Variants in LRRC43 observed in about 807,000 individuals in gnomAD.
LRRC43 encodes the protein leucine rich repeat containing 43.
A neutral mutation model predicts 64.3 loss-of-function variants in LRRC43; 62 were observed. The ratio of observed to expected loss-of-function variants is 0.96; its 90% confidence interval spans 0.79 to 1.19. The LOEUF (loss-of-function observed/expected upper bound fraction) is 1.19. Ranked by LOEUF, LRRC43 falls within the 50% of genes most tolerant of loss-of-function variation. The probability of loss-of-function intolerance (pLI) is 0.00; values close to 1 mark genes in which losing one functional copy is unlikely to be tolerated. For synonymous variants in LRRC43, 422 were observed against 382.3 expected (o/e 1.10, Z -1.21); for missense variants, 868 against 845.0 (o/e 1.03, Z -0.34).
At chr12:122,185,423 T>C (rs1402717363) in intron 2 of LRRC43, among the ~76,000 whole-genome samples, 1 of 152,122 alleles carries the variant, frequency 6.6e-6, no homozygotes, top group Non-Finnish European at 1.5e-5. Context: ...GCAGTGATCA[T>C]GATCGCACCG....
chr12:122,175,697 G>A (rs934615295), intron 1 of LRRC43, among the ~76,000 whole-genome samples: 3 of 150,156 alleles, frequency 2.0e-5, no homozygotes, highest in East Asian at 2.0e-4. Context: ...ACAGAGTTTC[G>A]CTCTTGTTGC....
At chr12:122,181,171 T>G (rs1953577437), upstream of LRRC43, among the ~76,000 whole-genome samples, 1 of 151,172 alleles carries the variant, frequency 6.6e-6, no homozygotes, top group South Asian at 2.1e-4. Context: ...TGACCTGTGA[T>G]CACGCTACTG....
At chr12:122,182,842 G>T (rs976940464), upstream of LRRC43, among the ~76,000 whole-genome samples, 1 of 152,106 alleles carries the variant, frequency 6.6e-6, no homozygotes, top group African/African-American at 2.4e-5. Context: ...TTTGACCTTG[G>T]GCCCTCTTCT....
upstream of LRRC43, among the ~76,000 whole-genome samples, chr12:122,182,522 CA>C (rs71082944): frequency 0.017 from 496 of 28,864 alleles, no homozygotes; most frequent in African/African-American, 0.04. Flanking sequence ...AACTCGGTCT[CA>C]AAAAAAAAAA....
chr12:122,184,715 C>T lies in LRRC43; in HGVS notation c.347C>T (p.Pro116Leu), dbSNP rs1593144808. 11 of 1,613,788 alleles carry T rather than the reference C, an allele frequency of 6.8e-6. No individual in the cohort carries two copies. Among genetic ancestry groups the T allele is most frequent in the Middle Eastern group, 1.6e-4 (1 of 6,062 alleles). The change falls in exon 2 of 12, where the codon CCG becomes CTG. Residue 116 changes from proline (P) to leucine (L), a missense_variant. Transcript: ENST00000339777. The surrounding 1 kb of genome is among the most constrained non-coding windows in gnomAD (Gnocchi z 4.0). The stretch of plus-strand genomic sequence containing the variant: ...CTGAGAGAATTGGCCATCCGGAACC[C>T]GCTGACGATCACAGACACCTTCTTC... ...SFLRELAIRNPLTITDTFFYS... is the reference protein window; with the variant it reads ...SFLRELAIRNLLTITDTFFYS...
intron 5 of LRRC43, 27 bp downstream of exon 5, chr12:122,190,395 G>T: frequency 6.3e-7 from 1 of 1,580,212 alleles, no homozygotes; most frequent in Non-Finnish European, 8.7e-7. Flanking sequence ...GCAGGGAGGG[G>T]GTGGCATGTG....
chr12:122,192,638 C>A, intron 6 of LRRC43, 107 bp from the exon 7 acceptor site: 1 of 1,327,926 alleles, frequency 7.5e-7, no homozygotes, highest in Non-Finnish European at 1.1e-6. Context: ...TCTGCTCATG[C>A]GTGAACCTCA....
Position 122,200,826 on chromosome 12 carries a change from G to T in LRRC43, c.1701G>T (p.Arg567=). 6.2e-7 allele frequency: 1 copy of T among 1,613,240 alleles called. No individual in the cohort carries two copies. The highest frequency in any genetic ancestry group is 1.1e-5 in the South Asian group (1 of 91,086). ...QDPPILQVLG[R]GLVILEPLLA... ...CCCCCATCCTCCAGGTGCTGGGCCG[G>T]GGCCTGGTGATCCTGGAGCCCCTGC... is the stretch of plus-strand genomic sequence containing the variant. Residue 567 remains arginine (R), a synonymous_variant, in exon 10 of 12, where the codon CGG becomes CGT. Transcript: ENST00000339777. The surrounding 1 kb of genome is among the most constrained non-coding windows in gnomAD (Gnocchi z 4.6).
chr12:122,188,544 A>G (rs1457403006), intron 4 of LRRC43, among the ~76,000 whole-genome samples: 9 of 145,498 alleles, frequency 6.2e-5, no homozygotes, highest in Admixed American at 6.2e-4. Context: ...AGGGTCAAGC[A>G]ATTCTCCTGC....
chr12:122,188,573 G>A (rs1401109671), intron 4 of LRRC43, among the ~76,000 whole-genome samples: 5 of 151,078 alleles, frequency 3.3e-5, no homozygotes, highest in East Asian at 2.0e-4. Flanking sequence ...CCCAAGTAGC[G>A]GGTATTACAG....
At chr12:122,173,986 G>T (rs143062271) in intron 1 of LRRC43, 2 of 1,613,882 alleles carry the variant, frequency 1.2e-6, no homozygotes, top group Admixed American at 3.3e-5. Context: ...CACAGACGTC[G>T]AGGGGCCTGG....
Position 122,184,784 on chromosome 12 carries a change from G to C in LRRC43, c.411+5G>C. 6.3e-7 allele frequency: 1 copy of C among 1,592,286 alleles called. No homozygotes were observed. Among genetic ancestry groups the C allele is most frequent in the Non-Finnish European group, 8.6e-7 (1 of 1,169,364 alleles). On this transcript the variant is annotated splice_donor_5th_base_variant and intron_variant, in intron 2 of 11. Transcript: ENST00000339777. This position sits in a 1 kb window ranked among gnomAD's most constrained non-coding sequence, Gnocchi z 4.0. ...CTGCGGGTAATAGACAAGAAGGTCA[G>C]TGCTGGGCACGTGGTAGGTGATGTT...
intron 1 of LRRC43, chr12:122,172,559 A>G: frequency 6.2e-7 from 1 of 1,614,182 alleles, no homozygotes; most frequent in Non-Finnish European, 8.5e-7. Flanking sequence ...GTGCATCTTG[A>G]AATATGAGTT....
At chr12:122,203,219 C>T in intron 11 of LRRC43, 96 bp from the exon 12 acceptor site, 1 of 1,374,428 alleles carries the variant, frequency 7.3e-7, no homozygotes, top group South Asian at 1.4e-5. Flanking sequence ...CCCGCTGGGA[C>T]AGGGTCCAGG....
upstream of LRRC43, among the ~76,000 whole-genome samples, chr12:122,181,459 C>T (rs1207083152): frequency 2.0e-5 from 3 of 150,170 alleles, no homozygotes; most frequent in Non-Finnish European, 4.4e-5. Flanking sequence ...AGGAGAATGG[C>T]GTGAACCTGG....
intron 3 of LRRC43, chr12:122,187,475 C>T (rs1953658303): frequency 2.0e-6 from 1 of 493,596 alleles, no homozygotes; most frequent in Non-Finnish European, 3.6e-6. Context: ...ACCCCCCATT[C>T]CAGATGTTGA....
chr12:122,185,706 A>G (rs7302430), intron 2 of LRRC43, among the ~76,000 whole-genome samples: 119,719 of 152,132 alleles, frequency 0.79, 47,382 homozygotes, highest in East Asian at 0.92. Context: ...CGTGTCCTGG[A>G]CAGACTGGCA....
intron 5 of LRRC43, among the ~76,000 whole-genome samples, chr12:122,190,982 A>C (rs1228275683): frequency 1.3e-5 from 2 of 152,146 alleles, no homozygotes; most frequent in East Asian, 3.9e-4. Context: ...AAAAATAAAA[A>C]GTCAAAACAA....
At chr12:122,191,232 A>G in intron 5 of LRRC43, 148 bp from the exon 6 acceptor site, 1 of 639,436 alleles carries the variant, frequency 1.6e-6, no homozygotes, top group South Asian at 2.1e-5. Context: ...AGCTTGCCAG[A>G]GCTGTGACAT....
Sources: allele counts gnomAD v4.1 joint callset (sites outside exome capture counted in the v4.1 genomes callset), GRCh38; gene constraint gnomAD v4.1.1; non-coding constraint Gnocchi (gnomAD v3.1); transcripts MANE v1.5; gene names NCBI Gene and HGNC (gene_info 2026-07-23, HGNC 2026-07-21).